Variants in TFEC observed in about 807,000 individuals in gnomAD.
The protein encoded by TFEC is transcription factor EC.
TFEC carries 31 observed loss-of-function variants against 41.6 expected under a neutral mutation model. The ratio of observed to expected loss-of-function variants is 0.74; its 90% CI spans 0.56 to 1.01. The LOEUF (loss-of-function observed/expected upper bound fraction) is 1.01, where lower values mean the gene tolerates loss of function less well. TFEC is among the 50% of genes least tolerant of loss of function. TFEC has a pLI of 0.00. For synonymous variants in TFEC, 143 were observed against 140.6 expected, an observed-to-expected ratio of 1.02 and a Z score of -0.12; for missense variants, 402 against 404.1, an observed-to-expected ratio of 0.99 and a Z score of 0.04.
At chr7:116,125,264 C>A (rs1330475311) in intron 1 of TFEC, among the ~76,000 whole-genome samples, 1 of 152,104 alleles carries the variant, frequency 6.6e-6, no homozygotes, top group Non-Finnish European at 1.5e-5. Context: ...GCATTGGAGG[C>A]AGACTTATCA....
intron 1 of TFEC, among the ~76,000 whole-genome samples, chr7:116,144,281 T>C (rs980123618): frequency 6.6e-6 from 1 of 151,992 alleles, no homozygotes; most frequent in Admixed American, 6.6e-5. Flanking sequence ...ATATCACTCA[T>C]CTAGGTATTT....
chr7:116,009,409 G>A (rs1202834306), intron 1 of TFEC, among the ~76,000 whole-genome samples: 1 of 152,020 alleles, frequency 6.6e-6, no homozygotes, highest in African/African-American at 2.4e-5. Flanking sequence ...TGTAAGTAAT[G>A]ATACTTAAAA....
intron 3 of TFEC, among the ~76,000 whole-genome samples, chr7:116,110,264 T>C (rs966083030): frequency 6.6e-6 from 1 of 152,140 alleles, no homozygotes; most frequent in Non-Finnish European, 1.5e-5. Context: ...CTACACCACT[T>C]CTCTGTGCTT....
chr7:116,079,639 C>T (rs959114111), intron 3 of TFEC, among the ~76,000 whole-genome samples: 1 of 151,974 alleles, frequency 6.6e-6, no homozygotes, highest in African/African-American at 2.4e-5. Context: ...TGAAAGACCT[C>T]TACAAGGAAA....
intron 3 of TFEC, among the ~76,000 whole-genome samples, chr7:116,083,097 C>G (rs1797126874): frequency 6.6e-6 from 1 of 151,598 alleles, no homozygotes; most frequent in South Asian, 2.1e-4. Context: ...ATTTTAAGTA[C>G]TACGAAAATA....
At chr7:115,970,569 T>C (rs998396254) in intron 3 of TFEC, among the ~76,000 whole-genome samples, 1 of 151,966 alleles carries the variant, frequency 6.6e-6, no homozygotes. Flanking sequence ...TATTAAAGAT[T>C]GATAAATGCT....
intron 3 of TFEC, among the ~76,000 whole-genome samples, chr7:116,074,305 C>G (rs955389218): frequency 1.3e-5 from 2 of 151,590 alleles, no homozygotes; most frequent in Non-Finnish European, 2.9e-5. Context: ...AGAACACCAA[C>G]AAGAATTGAA....
chr7:116,056,560 A>G (rs1584461917), intron 3 of TFEC, among the ~76,000 whole-genome samples: 1 of 152,150 alleles, frequency 6.6e-6, no homozygotes, highest in East Asian at 1.9e-4. Context: ...TGGAAATCAC[A>G]TAATTCATGG....
At chr7:115,968,739 C>G (rs187854105) in intron 3 of TFEC, among the ~76,000 whole-genome samples, 1 of 151,876 alleles carries the variant, frequency 6.6e-6, no homozygotes, top group African/African-American at 2.4e-5. Flanking sequence ...TGGCTACTTC[C>G]CTGAGACCGC....
intron 3 of TFEC, among the ~76,000 whole-genome samples, chr7:115,961,863 A>C (rs1792572169): frequency 6.6e-6 from 1 of 151,670 alleles, no homozygotes; most frequent in African/African-American, 2.4e-5. Context: ...GAAAGGAATA[A>C]ATGAAATGAT....
chr7:115,998,782 C>T (rs1794469428), intron 1 of TFEC, among the ~76,000 whole-genome samples: 1 of 151,804 alleles, frequency 6.6e-6, no homozygotes, highest in Non-Finnish European at 1.5e-5. Flanking sequence ...GAAGATATAA[C>T]AATTATAAAT....
chr7:116,101,168 C>A (rs776579134), intron 3 of TFEC, among the ~76,000 whole-genome samples: 4 of 149,944 alleles, frequency 2.7e-5, no homozygotes, highest in Non-Finnish European at 4.4e-5. Context: ...ACTCCCAACA[C>A]CAATGTCCCC....
intron 1 of TFEC, among the ~76,000 whole-genome samples, chr7:116,154,278 G>C (rs1012823401): frequency 3.3e-5 from 5 of 152,168 alleles, no homozygotes; most frequent in African/African-American, 1.2e-4. Flanking sequence ...TCCAGGCTCT[G>C]AAACTCTGTC....
chr7:116,058,655 T>C (rs1161784712), intron 3 of TFEC, among the ~76,000 whole-genome samples: 1 of 151,710 alleles, frequency 6.6e-6, no homozygotes, highest in South Asian at 2.1e-4. Flanking sequence ...AAAACAAATA[T>C]TAATAAATTT....
At chr7:116,127,320 T>C (rs35166230) in intron 1 of TFEC, among the ~76,000 whole-genome samples, 1,766 of 152,226 alleles carry the variant, frequency 0.012, 23 homozygotes, top group Non-Finnish European at 0.016. Context: ...CCTGACCTCG[T>C]AATCCCCTTG....
intron 1 of TFEC, among the ~76,000 whole-genome samples, chr7:116,028,798 T>C (rs1050106513): frequency 2.0e-5 from 3 of 152,230 alleles, no homozygotes; most frequent in Non-Finnish European, 4.4e-5. Flanking sequence ...ATGATTCCAT[T>C]TGAGTTATAT....
chr7:115,941,189 T>C (rs928821643), intron 7 of TFEC: 8 of 356,152 alleles, frequency 2.2e-5, no homozygotes, highest in Non-Finnish European at 3.5e-5. Flanking sequence ...GATGGTTCCA[T>C]AGTGGCTCAG....
At chr7:116,044,083 C>T (rs1032341426) in intron 3 of TFEC, among the ~76,000 whole-genome samples, 1 of 152,108 alleles carries the variant, frequency 6.6e-6, no homozygotes, top group Non-Finnish European at 1.5e-5. Context: ...ACATGTATGG[C>T]AGAATTAGAA....
At chr7:116,156,369 C>G (rs969189217) in intron 1 of TFEC, among the ~76,000 whole-genome samples, 4 of 152,138 alleles carry the variant, frequency 2.6e-5, no homozygotes, top group African/African-American at 9.7e-5. Flanking sequence ...CAAATAGATT[C>G]TAAGATAAAA....
Sources: allele counts gnomAD v4.1 joint callset (sites outside exome capture counted in the v4.1 genomes callset), GRCh38; gene constraint gnomAD v4.1.1; transcripts MANE v1.5; gene names NCBI Gene and HGNC (gene_info 2026-07-23, HGNC 2026-07-21).